The following MTCH2 variants were observed in gnomAD, a reference collection of about 807,000 sequenced individuals.
MTCH2 encodes the protein mitochondrial carrier homolog 2.
A neutral mutation model predicts 50.6 loss-of-function variants in MTCH2; 25 were observed. The ratio of observed to expected loss-of-function variants is 0.49; its 90% confidence interval spans 0.36 to 0.69. The LOEUF is 0.69. MTCH2 is among the 30% of genes least tolerant of loss of function. The pLI, the probability that MTCH2 is intolerant of heterozygous loss-of-function variation, is 0.00. For missense variants in MTCH2, 273 were observed against 384.4 expected (o/e 0.71, Z 2.42); for synonymous variants, 106 against 132.0 (o/e 0.80, Z 1.35).
chr11:47,625,624 G>A lies in MTCH2; in HGVS notation c.749+50C>T, dbSNP rs376983287. The A allele has an allele frequency of 2.7e-5, 30 of 1,120,480 alleles. No homozygotes were observed. In the African/African-American group the frequency reaches 5.6e-4, roughly 21 times the overall value. 69.4% of individuals were successfully genotyped at this position (1,120,480 alleles called of 1,614,324 possible). ...AAATTTCTACAAGGCTGCTCCGCCTGTCAGCATACAGTCAACCACCTACTA... is the reference window on the plus strand; with the variant it reads ...AAATTTCTACAAGGCTGCTCCGCCTATCAGCATACAGTCAACCACCTACTA... On this transcript the variant is annotated intron_variant, in intron 11 of 12. Coordinates refer to ENST00000302503, the MANE Select transcript of MTCH2 (RefSeq NM_014342.4).
At chr11:47,614,493 A>C (rs1002676323), downstream of MTCH2, among the ~76,000 whole-genome samples, 2 of 151,568 alleles carry the variant, frequency 1.3e-5, no homozygotes, top group Admixed American at 1.3e-4. Context: ...TTTGAGACGG[A>C]GTTTTGCTTG....
At chr11:47,635,042 G>A (rs2097307253) in intron 4 of MTCH2, among the ~76,000 whole-genome samples, 1 of 152,036 alleles carries the variant, frequency 6.6e-6, no homozygotes, top group South Asian at 2.1e-4. Context: ...CAAAGTGCTG[G>A]GATTACAGGC....
intron 5 of MTCH2, among the ~76,000 whole-genome samples, chr11:47,634,149 C>T (rs2097306306): frequency 6.6e-6 from 1 of 152,198 alleles, no homozygotes; most frequent in Non-Finnish European, 1.5e-5. Flanking sequence ...AATCATAGCT[C>T]ACTGCAGCCT....
intron 9 of MTCH2, among the ~76,000 whole-genome samples, chr11:47,627,646 A>G (rs1441857678): frequency 7.5e-6 from 1 of 133,950 alleles, no homozygotes; most frequent in Non-Finnish European, 1.6e-5. Context: ...TTTTTTTTTG[A>G]GACAGGATCT....
downstream of MTCH2, among the ~76,000 whole-genome samples, chr11:47,614,446 TACCACTTG>T (rs1315551652): frequency 6.6e-6 from 1 of 152,186 alleles, no homozygotes; most frequent in Non-Finnish European, 1.5e-5. Flanking sequence ...CTACAATTAC[TACCACTTG>T]ACCAGCTAGT....
the MTCH2 span, among the ~76,000 whole-genome samples, chr11:47,604,874 A>G: frequency 6.6e-6 from 1 of 152,224 alleles, no homozygotes; most frequent in African/African-American, 2.4e-5. Flanking sequence ...GAGGGGATCT[A>G]TTAGAAACCA....
chr11:47,635,426 C>T (rs2097307648), intron 4 of MTCH2, 119 bp downstream of exon 4: 2 of 1,156,324 alleles, frequency 1.7e-6, no homozygotes, highest in South Asian at 2.6e-5. Context: ...CCCCATAGGA[C>T]AACACTCACT....
At chr11:47,642,269 G>T (rs2097314969) in intron 1 of MTCH2, 110 bp downstream of exon 1, 11 of 898,854 alleles carry the variant, frequency 1.2e-5, no homozygotes. Context: ...AGGAGCAGCA[G>T]CATCTCGGGA....
chr11:47,626,149 C>T lies in MTCH2; in HGVS notation c.682-408G>A, dbSNP rs1429910613. ...CAACCTCCGCCTCCTGGGGTTCAAG[C>T]GATTCTCCTGCCTCAGCCTCCCAAG... On this transcript the variant is annotated intron_variant, in intron 10 of 12. Coordinates refer to ENST00000302503, the MANE Select transcript of MTCH2 (RefSeq NM_014342.4). 3.9e-5 allele frequency among the ~76,000 whole-genome samples: 6 copies of T among 151,960 alleles called. No individual in the cohort carries two copies. In the South Asian group the frequency reaches 6.2e-4, roughly 16 times the overall value.
intron 12 of MTCH2, among the ~76,000 whole-genome samples, chr11:47,619,342 T>C (rs759095256): frequency 6.6e-6 from 1 of 152,146 alleles, no homozygotes; most frequent in Non-Finnish European, 1.5e-5. Context: ...GTTCAAGCGA[T>C]TCTCCTGCCT....
downstream of MTCH2, among the ~76,000 whole-genome samples, chr11:47,614,553 G>T (rs1251580165): frequency 6.6e-6 from 1 of 151,744 alleles, no homozygotes. Context: ...TGCAACCTCC[G>T]CCTCCCACGT....
intron 9 of MTCH2, among the ~76,000 whole-genome samples, chr11:47,628,456 C>T (rs2097300035): frequency 6.6e-6 from 1 of 152,154 alleles, no homozygotes; most frequent in Admixed American, 6.5e-5. Context: ...CTACAGTAAA[C>T]AGTATCGTTC....
Position 47,618,521 on chromosome 11 carries a change from A to G in MTCH2, c.*312T>C, listed in dbSNP as rs1207017168. The stretch of plus-strand genomic sequence containing the variant: ...TACTCTTCATTTTACAAAGCCTTAA[A>G]TTGAGACTCAAAAATCACATGACAA... On this transcript the variant is annotated 3_prime_UTR_variant, in exon 13 of 13. Coordinates refer to ENST00000302503, the MANE Select transcript of MTCH2 (RefSeq NM_014342.4). 6.4e-6 allele frequency: 2 copies of G among 313,186 alleles called. No homozygotes were observed. The highest frequency in any genetic ancestry group is 1.2e-5 in the Non-Finnish European group (2 of 168,516). 19.4% of individuals were successfully genotyped at this position (313,186 alleles called of 1,614,324 possible). A position where few individuals can be genotyped will look rare whatever the true frequency, so the allele number is the denominator to read the frequency against.
intron 12 of MTCH2, among the ~76,000 whole-genome samples, chr11:47,621,637 G>A (rs981343348): frequency 3.3e-5 from 5 of 152,208 alleles, no homozygotes; most frequent in South Asian, 2.1e-4. Context: ...GTTTCACTGC[G>A]TTGCCCAGGC....
chr11:47,605,631 A>G, the MTCH2 span, among the ~76,000 whole-genome samples: 1 of 152,190 alleles, frequency 6.6e-6, no homozygotes. Context: ...ACAGAACTAG[A>G]GATACTTCCT....
intron 5 of MTCH2, among the ~76,000 whole-genome samples, chr11:47,633,054 A>AT (rs2097304679): frequency 6.6e-6 from 1 of 150,592 alleles, no homozygotes; most frequent in Non-Finnish European, 1.5e-5. Flanking sequence ...ATAAGATCCT[A>AT]TGGGACTGGA....
chr11:47,635,644 C>A lies in MTCH2; in HGVS notation c.280-73G>T. 4.2e-6 allele frequency: 6 copies of A among 1,422,712 alleles called. No individual in the cohort carries two copies. In the East Asian group the frequency reaches 1.4e-4, roughly 33 times the overall value. The allele number at this position is 1,422,712 out of a possible 1,614,324, so 88.1% of individuals were successfully genotyped here. On this transcript the variant is annotated intron_variant, in intron 3 of 12. Coordinates refer to ENST00000302503, the MANE Select transcript of MTCH2 (RefSeq NM_014342.4). The stretch of plus-strand genomic sequence containing the variant: ...TGAAAGAAGACATAAAATGAAAACT[C>A]TACTGACAGAAAGTAAATTAGCTGA...
intron 5 of MTCH2, among the ~76,000 whole-genome samples, chr11:47,632,920 T>A (rs1172789177): frequency 6.6e-6 from 1 of 151,096 alleles, no homozygotes; most frequent in African/African-American, 2.4e-5. Context: ...CAAGCTGGTT[T>A]TGAATGCCTG....
chr11:47,633,118 T>TTC (rs1238531730), intron 5 of MTCH2, among the ~76,000 whole-genome samples: 1 of 148,654 alleles, frequency 6.7e-6, no homozygotes, highest in East Asian at 2.0e-4. Flanking sequence ...TCCCTGCTTT[T>TTC]TTTTTTTTTT....
Sources: gnomAD v4.1 joint callset for allele counts (sites outside exome capture counted in the v4.1 genomes callset) on GRCh38, gnomAD v4.1.1 for gene constraint, MANE v1.5 for transcripts, NCBI Gene and HGNC (gene_info 2026-07-23, HGNC 2026-07-21) for gene names.